Variants in TMEM181 observed in about 807,000 individuals in gnomAD.
TMEM181 encodes the protein G protein-coupled receptor 178.
TMEM181 carries 39 observed loss-of-function variants against 71.9 expected under a neutral mutation model. That is an observed-to-expected ratio of 0.54 (90% CI 0.42 to 0.71). The LOEUF (loss-of-function observed/expected upper bound fraction) is 0.71, where lower values mean the gene tolerates loss of function less well. Ranked by LOEUF, TMEM181 falls within the 30% of genes least tolerant of loss-of-function variation. TMEM181 has a pLI of 0.00. For synonymous variants in TMEM181, 245 were observed against 228.8 expected (o/e 1.07, Z -0.64); for missense variants, 595 against 583.0 (o/e 1.02, Z -0.21).
intron 6 of TMEM181, among the ~76,000 whole-genome samples, chr6:158,600,716 C>G (rs983386453): frequency 2.0e-5 from 3 of 152,110 alleles, no homozygotes; most frequent in African/African-American, 7.2e-5. Context: ...GGTGATCTGC[C>G]CACCTCAGCC....
chr6:158,569,007 C>T (rs146302104), intron 1 of TMEM181, among the ~76,000 whole-genome samples: 5 of 152,186 alleles, frequency 3.3e-5, no homozygotes, highest in East Asian at 3.9e-4. Context: ...GACAGGGTCT[C>T]GCCCTGTTAC....
chr6:158,596,157 T>A (rs980922797), intron 6 of TMEM181, among the ~76,000 whole-genome samples: 2 of 152,144 alleles, frequency 1.3e-5, no homozygotes, highest in South Asian at 4.1e-4. Flanking sequence ...CCTGACCTCA[T>A]GATCCGCCCG....
intron 1 of TMEM181, among the ~76,000 whole-genome samples, chr6:158,547,944 T>C (rs1268709906): frequency 7.2e-6 from 1 of 138,606 alleles, no homozygotes; most frequent in Non-Finnish European, 1.5e-5. Context: ...GTGAAAGCCA[T>C]GGAGAGAAGC....
chr6:158,554,200 C>T (rs1582930051), intron 1 of TMEM181, among the ~76,000 whole-genome samples: 4 of 152,300 alleles, frequency 2.6e-5, no homozygotes, highest in African/African-American at 9.6e-5. Context: ...ATTCTCCTGC[C>T]TCAGCCTCCC....
intron 2 of TMEM181, among the ~76,000 whole-genome samples, chr6:158,578,688 A>G (rs1783300587): frequency 6.6e-6 from 1 of 152,234 alleles, no homozygotes; most frequent in Non-Finnish European, 1.5e-5. Flanking sequence ...TATGAGACAT[A>G]CAGAGAACGA....
At chr6:158,545,442 C>A (rs1342798405) in intron 1 of TMEM181, among the ~76,000 whole-genome samples, 3 of 152,212 alleles carry the variant, frequency 2.0e-5, no homozygotes. Flanking sequence ...GCAGCTTGAG[C>A]GAAGGGCTGA....
At chr6:158,585,448 A>G in intron 5 of TMEM181, 23 bp downstream of exon 5, 1 of 1,557,204 alleles carries the variant, frequency 6.4e-7, no homozygotes, top group Non-Finnish European at 8.7e-7. Context: ...GGTGAGCCCC[A>G]CAGTCAGTCC....
At chr6:158,616,896 AT>A (rs1473712519) in intron 10 of TMEM181, among the ~76,000 whole-genome samples, 1 of 152,170 alleles carries the variant, frequency 6.6e-6, no homozygotes, top group African/African-American at 2.4e-5. Context: ...CCAGTATTTT[AT>A]TGAGGATTTT....
At chr6:158,545,871 T>C (rs1346875801) in intron 1 of TMEM181, among the ~76,000 whole-genome samples, 1 of 152,126 alleles carries the variant, frequency 6.6e-6, no homozygotes, top group African/African-American at 2.4e-5. Context: ...CCCCCATGGC[T>C]AGGAAAGTGC....
chr6:158,550,470 A>C (rs1288900002), intron 1 of TMEM181, among the ~76,000 whole-genome samples: 6 of 151,858 alleles, frequency 4.0e-5, no homozygotes, highest in African/African-American at 9.7e-5. Context: ...ATCCTGACCA[A>C]CATGGTGAAG....
chr6:158,548,732 C>T lies in TMEM181; in HGVS notation c.131+11867C>T, dbSNP rs555339449. Among the ~76,000 whole-genome samples the T allele has an allele frequency of 1.3e-5, 2 of 152,342 alleles. 1 individual carries two copies. Among genetic ancestry groups the T allele is most frequent in the Admixed American group, 1.3e-4 (2 of 15,298 alleles). On this transcript the variant is annotated intron_variant, in intron 1 of 16. Transcript: ENST00000367090. ...CACAGGGGCTTGGTGTCTTTCTCTA[C>T]CAGGCTGGGTGCCAGGTCCTGGAAA...
intron 6 of TMEM181, among the ~76,000 whole-genome samples, chr6:158,596,771 A>G (rs1784408282): frequency 6.6e-6 from 1 of 152,194 alleles, no homozygotes; most frequent in Non-Finnish European, 1.5e-5. Flanking sequence ...GAGCAGCAAG[A>G]GAAAATGAGG....
In TMEM181 at chr6:158,626,453, G is replaced by A. The variant is rs146495266; in HGVS notation, c.1109+699G>A. The A allele has an allele frequency of 1.2e-4, 55 of 456,680 alleles. 1 individual carries two copies. In the East Asian group the frequency reaches 3.0e-3, roughly 25 times the overall value. 28.3% of individuals were successfully genotyped at this position (456,680 alleles called of 1,614,324 possible). ...TAGGTTGTTTGGATGGCAAATAAGC[G>A]GATGTTGGCCCTTTTCCTTTATGAG... On this transcript the variant is annotated intron_variant, in intron 13 of 16. Coordinates refer to ENST00000684151, the MANE Select transcript of TMEM181 (RefSeq NM_001376852.1).
chr6:158,586,533 T>C (rs1407263612), intron 5 of TMEM181, among the ~76,000 whole-genome samples: 1 of 152,200 alleles, frequency 6.6e-6, no homozygotes, highest in Non-Finnish European at 1.5e-5. Flanking sequence ...AACGCAGATA[T>C]TAAGTGGAGG....
chr6:158,591,010 C>G (rs922244558), intron 6 of TMEM181, among the ~76,000 whole-genome samples: 9 of 152,212 alleles, frequency 5.9e-5, no homozygotes, highest in Non-Finnish European at 1.3e-4. Context: ...CAAGGTCCAT[C>G]CAGGTTGTCG....
intron 2 of TMEM181, among the ~76,000 whole-genome samples, chr6:158,578,127 TGTCA>T (rs1330791197): frequency 6.6e-6 from 1 of 152,002 alleles, no homozygotes; most frequent in Non-Finnish European, 1.5e-5. Context: ...AAAACAAAAC[TGTCA>T]GTCAAGAATC....
At chr6:158,582,212 G>A (rs558236966) in intron 3 of TMEM181, among the ~76,000 whole-genome samples, 67 of 152,210 alleles carry the variant, frequency 4.4e-4, no homozygotes, top group African/African-American at 1.4e-3. Context: ...AGGTGCCGCC[G>A]TGGGCTTTCC....
chr6:158,634,401 G>A lies in TMEM181; in HGVS notation c.*2513G>A, dbSNP rs541510302. 7 of 152,268 alleles carry A rather than the reference G, an allele frequency of 4.6e-5. No homozygotes were observed. Among genetic ancestry groups the A allele is most frequent in the African/African-American group, 1.7e-4 (7 of 41,540 alleles). 9.4% of individuals were successfully genotyped at this position (152,268 alleles called of 1,614,324 possible). On this transcript the variant is annotated 3_prime_UTR_variant, in exon 17 of 17. Coordinates refer to ENST00000684151, the MANE Select transcript of TMEM181 (RefSeq NM_001376852.1). ...AAGAAAAAATAAATTATTTACTGAG[G>A]GTAGTTATGTTAAAGTTTTGCGAAC... is the stretch of plus-strand genomic sequence containing the variant.
At chr6:158,563,101 G>A (rs1226942426) in intron 1 of TMEM181, among the ~76,000 whole-genome samples, 1 of 152,216 alleles carries the variant, frequency 6.6e-6, no homozygotes, top group East Asian at 1.9e-4. Flanking sequence ...GCATTGCTAG[G>A]TGGTGGGTTC....
Sources: gnomAD v4.1 joint callset for allele counts (sites outside exome capture counted in the v4.1 genomes callset) on GRCh38, gnomAD v4.1.1 for gene constraint, MANE v1.5 for transcripts, NCBI Gene and HGNC (gene_info 2026-07-23, HGNC 2026-07-21) for gene names.